Variants in LRP1B observed in about 807,000 individuals in gnomAD.
LRP1B encodes the protein LDL receptor related protein 1B.
In LRP1B, 217 loss-of-function variants were observed where a neutral mutation model predicts 556.6. The ratio of observed to expected loss-of-function variants is 0.39; its 90% CI spans 0.35 to 0.44. The LOEUF (loss-of-function observed/expected upper bound fraction) is 0.44. LRP1B is among the 20% of genes least tolerant of loss of function. The pLI is 1.00. For synonymous variants in LRP1B, 2,047 were observed against 1,865.8 expected (o/e 1.10, Z -2.50); for missense variants, 5,053 against 5,620.8 (o/e 0.90, Z 3.23).
chr2:140,759,178 TTTA>T (rs1553524876), intron 35 of LRP1B, among the ~76,000 whole-genome samples: 1 of 152,050 alleles, frequency 6.6e-6, no homozygotes, highest in Non-Finnish European at 1.5e-5. Context: ...TAGATTTTTT[TTTA>T]AAAAATAGCC....
intron 43 of LRP1B, among the ~76,000 whole-genome samples, chr2:140,566,245 C>T (rs1006854942): frequency 1.3e-5 from 2 of 152,172 alleles, no homozygotes; most frequent in African/African-American, 4.8e-5. Flanking sequence ...GTCCTCCACC[C>T]TACCCTTCCC....
At chr2:140,895,768 G>T (rs1239487075) in intron 23 of LRP1B, among the ~76,000 whole-genome samples, 1 of 152,124 alleles carries the variant, frequency 6.6e-6, no homozygotes, top group Non-Finnish European at 1.5e-5. Context: ...CAGGAAGGTG[G>T]TCTTCCCCTG....
chr2:142,018,898 A>AAAGATCTTGAATTATACATGTAT (rs1703240605), intron 1 of LRP1B, among the ~76,000 whole-genome samples: 1 of 75,086 alleles, frequency 1.3e-5, no homozygotes, highest in Non-Finnish European at 3.3e-5. Flanking sequence ...CATGTATATT[A>AAAGATCTTGAATTATACATGTAT]ATTGTCTGTA....
At chr2:140,980,498 T>C (rs1027819982) in intron 18 of LRP1B, among the ~76,000 whole-genome samples, 1 of 152,202 alleles carries the variant, frequency 6.6e-6, no homozygotes, top group African/African-American at 2.4e-5. Context: ...CTTTCTTCCA[T>C]ACCACTGCTG....
chr2:140,625,510 CA>C (rs1360088894), intron 41 of LRP1B, among the ~76,000 whole-genome samples: 4 of 151,902 alleles, frequency 2.6e-5, no homozygotes, highest in African/African-American at 7.2e-5. Context: ...CCATAATATA[CA>C]AAAAACACTT....
rs193179316 is a variant in LRP1B, at chr2:140,422,282, T to C, written c.10414+20222A>G. On this transcript the variant is annotated intron_variant, in intron 66 of 90. Coordinates refer to ENST00000389484, the MANE Select transcript of LRP1B (RefSeq NM_018557.3). Reference sequence around the variant, plus strand: ...AATCTGGTAGAATGTATGTGAAGTTTCTAAAACTGGGGATAAGATGGTGTC... The same window carrying C: ...AATCTGGTAGAATGTATGTGAAGTTCCTAAAACTGGGGATAAGATGGTGTC... Among the ~76,000 whole-genome samples the C allele has an allele frequency of 6.6e-5, 10 of 152,330 alleles. No individual in the cohort carries two copies. In the East Asian group the frequency reaches 1.9e-3, roughly 29 times the overall value.
intron 7 of LRP1B, among the ~76,000 whole-genome samples, chr2:141,132,389 T>A (rs1012977033): frequency 6.6e-6 from 1 of 151,950 alleles, no homozygotes; most frequent in Non-Finnish European, 1.5e-5. Flanking sequence ...CCCCTTAGAT[T>A]TTCCTCTTTA....
Position 140,503,278 on chromosome 2 carries a change from G to A in LRP1B, c.8522-175C>T, listed in dbSNP as rs1689274798. 1.3e-5 allele frequency among the ~76,000 whole-genome samples: 2 copies of A among 152,008 alleles called. 1 individual carries two copies. The highest frequency in any genetic ancestry group is 2.9e-5 in the Non-Finnish European group (2 of 67,944). On this transcript the variant is annotated intron_variant, in intron 53 of 90. Coordinates refer to ENST00000389484, the MANE Select transcript of LRP1B (RefSeq NM_018557.3). ...AGTTGCAAGAGATGTTTGTGGTTTG[G>A]AAGTAGGAATATGGTCCAAAAACTC...
chr2:141,302,363 C>A (rs916243478), intron 3 of LRP1B, among the ~76,000 whole-genome samples: 3 of 152,066 alleles, frequency 2.0e-5, no homozygotes, highest in Non-Finnish European at 4.4e-5. Context: ...CTCAAGTCTA[C>A]CCAAACAGTA....
At chr2:140,863,268 A>G (rs1692853169) in intron 27 of LRP1B, among the ~76,000 whole-genome samples, 1 of 152,182 alleles carries the variant, frequency 6.6e-6, no homozygotes, top group South Asian at 2.1e-4. Context: ...AATTTCTATC[A>G]TGCAAATCTG....
At chr2:140,828,215 A>T (rs992709516) in intron 31 of LRP1B, among the ~76,000 whole-genome samples, 4 of 152,200 alleles carry the variant, frequency 2.6e-5, no homozygotes, top group African/African-American at 9.6e-5. Context: ...TATAAAGACA[A>T]ATTCATAATA....
chr2:141,298,557 A>T (rs1383426398), intron 3 of LRP1B, among the ~76,000 whole-genome samples: 1 of 152,166 alleles, frequency 6.6e-6, no homozygotes, highest in African/African-American at 2.4e-5. Context: ...GAGGCTCAGC[A>T]TCATAGGGGA....
chr2:141,414,201 C>A (rs867867154), intron 3 of LRP1B, among the ~76,000 whole-genome samples: 5 of 137,640 alleles, frequency 3.6e-5, no homozygotes, highest in Non-Finnish European at 7.6e-5. Flanking sequence ...AGCGCCACTG[C>A]ACTCCAGCCT....
chr2:141,356,038 T>C (rs1158906570), intron 3 of LRP1B, among the ~76,000 whole-genome samples: 1 of 152,150 alleles, frequency 6.6e-6, no homozygotes, highest in Non-Finnish European at 1.5e-5. Flanking sequence ...ACCTCTCTTA[T>C]AGTAGAACAG....
At chr2:140,477,346 T>C (rs1688016473) in intron 59 of LRP1B, among the ~76,000 whole-genome samples, 1 of 152,106 alleles carries the variant, frequency 6.6e-6, no homozygotes, top group East Asian at 1.9e-4. Context: ...ATATACCATG[T>C]TATGTTTTTT....
chr2:141,591,364 T>TTC (rs1553539634), intron 2 of LRP1B, among the ~76,000 whole-genome samples: 1 of 99,414 alleles, frequency 1.0e-5, no homozygotes, highest in Non-Finnish European at 2.4e-5. Context: ...TGTTTGTTTG[T>TTC]TTTTTTTTTT....
At chr2:141,508,778 AT>A (rs1023853121) in intron 2 of LRP1B, among the ~76,000 whole-genome samples, 14 of 152,116 alleles carry the variant, frequency 9.2e-5, no homozygotes, top group African/African-American at 3.1e-4. Flanking sequence ...GCTCAAGTAG[AT>A]TTTGTATATT....
chr2:140,860,580 A>G (rs1356218252), intron 27 of LRP1B, among the ~76,000 whole-genome samples: 2 of 152,204 alleles, frequency 1.3e-5, no homozygotes, highest in Non-Finnish European at 2.9e-5. Flanking sequence ...AGTTTCTACA[A>G]AAAGAGAAAA....
At chr2:141,017,486 C>T (rs1472647051) in intron 12 of LRP1B, among the ~76,000 whole-genome samples, 2 of 151,184 alleles carry the variant, frequency 1.3e-5, no homozygotes, top group African/African-American at 4.9e-5. Flanking sequence ...CACGCACACA[C>T]GAGACAGAGA....
Sources: allele counts gnomAD v4.1 joint callset (sites outside exome capture counted in the v4.1 genomes callset), GRCh38; gene constraint gnomAD v4.1.1; transcripts MANE v1.5; gene names NCBI Gene and HGNC (gene_info 2026-07-23, HGNC 2026-07-21).